The following MARF1 variants were observed in gnomAD, a reference collection of about 807,000 sequenced individuals.
MARF1 encodes the protein limkain-b1.
A neutral mutation model predicts 168.2 loss-of-function variants in MARF1; 24 were observed. The ratio of observed to expected loss-of-function variants is 0.14; its 90% CI spans 0.10 to 0.20. The LOEUF (loss-of-function observed/expected upper bound fraction) is 0.20. Ranked by LOEUF, MARF1 falls within the 10% of genes least tolerant of loss-of-function variation. The pLI is 1.00. For missense variants in MARF1, 1,744 were observed against 2,143.6 expected (o/e 0.81, Z 3.68); for synonymous variants, 868 against 822.4 (o/e 1.06, Z -0.95).
chr16:15,636,143 C>T lies in MARF1; in HGVS notation c.344G>A (p.Arg115His), dbSNP rs755591509. 23 of 1,614,212 alleles carry T rather than the reference C, an allele frequency of 1.4e-5. No homozygotes were observed. The highest frequency in any genetic ancestry group is 3.3e-4 in the Middle Eastern group (2 of 6,062). ...GCTACCGCCACCACCACCACCAAAA[C>T]GCATTGGCGAAGTGGAGGGTTCATT... ...CPNEPSTSPM[R>H]FGGGGGGSGG... Residue 115 changes from arginine (R) to histidine (H), a missense_variant, in exon 3 of 27, where the codon CGT becomes CAT. Around this residue, in one of 7 missense-constraint regions of MARF1, gnomAD observed 318 missense variants for 336.6 expected, o/e 0.94. Transcript: ENST00000396368.
At chr16:15,605,593 C>G (rs2012118124) in intron 21 of MARF1, among the ~76,000 whole-genome samples, 1 of 152,134 alleles carries the variant, frequency 6.6e-6, no homozygotes, top group Non-Finnish European at 1.5e-5. Flanking sequence ...GAAACCAAAC[C>G]AGAGCCTGCT....
At position 15,596,517 on chromosome 16, in the gene MARF1, CTT is replaced by C. The variant is rs1567518430; in HGVS notation, c.*174_*175del. ...AGAAAAAGGAAGAAGAAAAGAAAGA[CTT>C]CAGCTCAAAGCTGTGTTCAATGGAA... is the stretch of plus-strand genomic sequence containing the variant. On this transcript the variant is annotated 3_prime_UTR_variant, in exon 27 of 27. Coordinates refer to ENST00000396368, the MANE Select transcript of MARF1 (RefSeq NM_014647.4). 2.0e-6 allele frequency: 1 copy of C among 488,648 alleles called. No homozygotes were observed. The highest frequency in any genetic ancestry group is 3.5e-6 in the Non-Finnish European group (1 of 287,990). The allele number at this position is 488,648 out of a possible 1,614,324, so 30.3% of individuals were successfully genotyped here. A position where few individuals can be genotyped will look rare whatever the true frequency, so the allele number is the denominator to read the frequency against.
chr16:15,615,791 G>A (rs200762336), intron 16 of MARF1, 39 bp downstream of exon 16: 16 of 1,440,104 alleles, frequency 1.1e-5, no homozygotes, highest in African/African-American at 1.4e-5. Flanking sequence ...TCTCATAGTG[G>A]ACAGGTGGTA....
At position 15,624,868 on chromosome 16, in the gene MARF1, T is replaced by C; in HGVS notation, c.2171A>G (p.Glu724Gly). Residue 724 changes from glutamate (E) to glycine (G), a missense_variant, in exon 10 of 27, where the codon GAG becomes GGG. Coordinates refer to ENST00000396368, the MANE Select transcript of MARF1 (RefSeq NM_014647.4). ...GTAACTCACTTGGAATACAGTCTCCTCTTTATCTTTTTTCTCTACAGGAGA... is the reference window on the plus strand; with the variant it reads ...GTAACTCACTTGGAATACAGTCTCCCCTTTATCTTTTTTCTCTACAGGAGA... ...TSSPVEKKDK[E>G]ETVFQVSYPS... is the part of the protein sequence containing the mutation. 6.2e-7 allele frequency: 1 copy of C among 1,614,174 alleles called. No individual in the cohort carries two copies. The highest frequency in any genetic ancestry group is 8.5e-7 in the Non-Finnish European group (1 of 1,180,034).
At position 15,596,788 on chromosome 16, in the gene MARF1, T is replaced by C. The variant is rs757411400; in HGVS notation, c.5134A>G (p.Ser1712Gly). Residue 1712 changes from serine (S) to glycine (G), a missense_variant, in exon 27 of 27, where the codon AGC becomes GGC. By Grantham distance (56) the Ser-to-Gly change is moderately conservative. This residue lies in a region of MARF1 where 313 missense variants were observed against 337.4 expected (regional missense o/e 0.93). Transcript: ENST00000396368. Reference sequence around the variant, plus strand: ...GCCGGGCTTTCCACGGGGTCCTTGCTGAGCAGTGACTCGGAGGTTTCCGAG... The same window carrying C: ...GCCGGGCTTTCCACGGGGTCCTTGCCGAGCAGTGACTCGGAGGTTTCCGAG... ...PSSETSESLL[S>G]KDPVESPAKK... 37 of 1,613,966 alleles carry C rather than the reference T, an allele frequency of 2.3e-5. No individual in the cohort carries two copies. In the South Asian group the frequency reaches 4.0e-4, roughly 17 times the overall value.
chr16:15,633,602 A>AT lies in MARF1; in HGVS notation c.1233+14dup, dbSNP rs5815838. ...CTCTACTGTAGATTAAAATTATTAAATTTTTTTTTTTTACCTGGCAATTAT... is the reference window on the plus strand; with the variant it reads ...CTCTACTGTAGATTAAAATTATTAAATTTTTTTTTTTTTACCTGGCAATTAT... On this transcript the variant is annotated intron_variant, in intron 5 of 26. Transcript: ENST00000396368. 9,835 of 1,311,110 alleles carry AT rather than the reference A, an allele frequency of 7.5e-3. 7 individuals carry two copies. Among genetic ancestry groups the AT allele is most frequent in the Non-Finnish European group, 9.6e-3 (9,065 of 945,788 alleles). The allele number at this position is 1,311,110 out of a possible 1,614,324, so 81.2% of individuals were successfully genotyped here. A position where few individuals can be genotyped will look rare whatever the true frequency, so the allele number is the denominator to read the frequency against.
Position 15,635,858 on chromosome 16 carries a change from T to C in MARF1, c.629A>G (p.His210Arg), listed in dbSNP as rs1468615896. 6.2e-7 allele frequency: 1 copy of C among 1,614,096 alleles called. No homozygotes were observed. The highest frequency in any genetic ancestry group is 1.1e-5 in the South Asian group (1 of 91,092). The stretch of plus-strand genomic sequence containing the variant: ...GCAGCCCTGCAGACTCGGAAACTGA[T>C]GCAGCTTGTGCACATTACCATGACA... ...QSCHGNVHKL[H>R]QFPSLQGCTS... Residue 210 changes from histidine (H) to arginine (R), a missense_variant, in exon 3 of 27, where the codon CAT (histidine) becomes CGT (arginine). By Grantham distance (29) the His-to-Arg change is conservative. Around this residue, in one of 7 missense-constraint regions of MARF1, gnomAD observed 318 missense variants for 336.6 expected, o/e 0.94. Coordinates refer to ENST00000396368, the MANE Select transcript of MARF1 (RefSeq NM_014647.4).
At chr16:15,635,024 GTTTTAC>G in intron 3 of MARF1, 93 bp from the exon 4 acceptor site, 1 of 1,079,430 alleles carries the variant, frequency 9.3e-7, no homozygotes, top group South Asian at 1.7e-5. Flanking sequence ...CACTCTAAGT[GTTTTAC>G]CTTTCCACTT....
In MARF1 at chr16:15,602,364, A is replaced by G. The variant is rs563518276; in HGVS notation, c.4414-161T>C. The G allele has an allele frequency of 1.6e-4, 102 of 633,206 alleles. No individual in the cohort carries two copies. The South Asian group carries it at 1.9e-3, about 12-fold the overall frequency. The allele number at this position is 633,206 out of a possible 1,614,324, so 39.2% of individuals were successfully genotyped here. ...AGAAGATGAAGATGAAGAAGGAGAC[A>G]AAGATGACGAAGAAGAAGGAGACGA... is the stretch of plus-strand genomic sequence containing the variant. On this transcript the variant is annotated intron_variant, in intron 22 of 26. Coordinates refer to ENST00000396368, the MANE Select transcript of MARF1 (RefSeq NM_014647.4).
At chr16:15,629,388 G>C (rs182131708) in intron 7 of MARF1, among the ~76,000 whole-genome samples, 21 of 152,090 alleles carry the variant, frequency 1.4e-4, no homozygotes, top group African/African-American at 4.6e-4. Context: ...GTTGGGTATC[G>C]GGGACACAGG....
intron 16 of MARF1, 110 bp downstream of exon 16, chr16:15,615,720 G>C (rs2033992830): frequency 1.4e-6 from 1 of 709,186 alleles, no homozygotes; most frequent in Admixed American, 3.4e-5. Context: ...CACATCCATG[G>C]TGTTTTCACA....
chr16:15,619,958 G>A (rs1006641472), intron 13 of MARF1, among the ~76,000 whole-genome samples: 5 of 152,210 alleles, frequency 3.3e-5, no homozygotes, highest in South Asian at 2.1e-4. Flanking sequence ...GAGGTCAGGA[G>A]TTTAAGACCA....
chr16:15,607,121 G>A (rs531369999), intron 21 of MARF1, among the ~76,000 whole-genome samples: 1 of 152,306 alleles, frequency 6.6e-6, no homozygotes, highest in East Asian at 1.9e-4. Context: ...TTGGCTCAGG[G>A]ATGTTCGGCT....
intron 15 of MARF1, chr16:15,616,825 T>A (rs980912082): frequency 5.9e-6 from 3 of 509,206 alleles, no homozygotes; most frequent in Non-Finnish European, 1.0e-5. Context: ...AAAGGTCTAG[T>A]GAAAATATGT....
chr16:15,600,412 G>A lies in MARF1; in HGVS notation c.4813+16C>T, dbSNP rs370110573. The A allele has an allele frequency of 5.8e-5, 94 of 1,614,048 alleles. No homozygotes were observed. The South Asian group carries it at 1.0e-3, about 18-fold the overall frequency. On this transcript the variant is annotated intron_variant, in intron 25 of 26. Transcript: ENST00000396368. ...GAATTTCACAAGCTCCTATGTCTCTGCTTTTCCTCTCTTACCACTGCCGTC... is the reference window on the plus strand; with the variant it reads ...GAATTTCACAAGCTCCTATGTCTCTACTTTTCCTCTCTTACCACTGCCGTC...
chr16:15,630,106 C>A, intron 7 of MARF1: 1 of 406,766 alleles, frequency 2.5e-6, no homozygotes, highest in Non-Finnish European at 4.3e-6. Flanking sequence ...ATCTACAAGT[C>A]AATTTCATAT....
At chr16:15,626,286 T>A (rs1009296825) in intron 7 of MARF1, among the ~76,000 whole-genome samples, 1 of 152,224 alleles carries the variant, frequency 6.6e-6, no homozygotes, top group South Asian at 2.1e-4. Flanking sequence ...ATAATAGATT[T>A]ACTGAGGTGA....
chr16:15,617,604 G>A (rs1357625487), intron 13 of MARF1, 69 bp from the exon 14 acceptor site: 2 of 1,020,248 alleles, frequency 2.0e-6, no homozygotes, highest in Non-Finnish European at 2.9e-6. Flanking sequence ...CACGCATCCT[G>A]TTTAAATAAA....
At chr16:15,607,077 G>C (rs993069519) in intron 21 of MARF1, among the ~76,000 whole-genome samples, 1 of 152,248 alleles carries the variant, frequency 6.6e-6, no homozygotes, top group African/African-American at 2.4e-5. Context: ...TCTCTGACCA[G>C]CCCTCCTGCG....
Sources: gnomAD v4.1 joint callset for allele counts (sites outside exome capture counted in the v4.1 genomes callset) on GRCh38, gnomAD v4.1.1 for gene constraint, gnomAD v4.1.1 regional missense constraint, MANE v1.5 for transcripts, NCBI Gene and HGNC (gene_info 2026-07-23, HGNC 2026-07-21) for gene names.